The following SBF2 variants were observed in gnomAD, a reference collection of about 807,000 sequenced individuals.
The protein encoded by SBF2 is SET binding factor 2.
A neutral mutation model predicts 225.2 loss-of-function variants in SBF2; 112 were observed. The observed-to-expected ratio is 0.50, with a 90% CI of 0.43 to 0.58. The LOEUF is 0.58. Among genes scored for constraint, SBF2 ranks in the 20% least tolerant of loss-of-function variants. The pLI, the probability that SBF2 is intolerant of heterozygous loss-of-function variation, is 0.00. For synonymous variants in SBF2, 763 were observed against 773.3 expected (o/e 0.99, Z 0.22); for missense variants, 1,996 against 2,206.2 (o/e 0.90, Z 1.91).
At chr11:9,828,472 G>A (rs1270967862) in intron 28 of SBF2, 7 of 985,286 alleles carry the variant, frequency 7.1e-6, no homozygotes, top group East Asian at 1.1e-4. Flanking sequence ...AGCAAGGCAT[G>A]CATGGTGTTA....
chr11:10,005,917 C>T (rs918223033), intron 6 of SBF2, among the ~76,000 whole-genome samples: 5 of 152,128 alleles, frequency 3.3e-5, no homozygotes, highest in South Asian at 2.1e-4. Flanking sequence ...TGCTGATGTA[C>T]GGTAGCTCAC....
intron 2 of SBF2, among the ~76,000 whole-genome samples, chr11:10,118,264 T>A (rs1033663660): frequency 6.6e-6 from 1 of 152,200 alleles, no homozygotes; most frequent in Non-Finnish European, 1.5e-5. Flanking sequence ...TGTACATTTT[T>A]AAAGTAATAC....
intron 1 of SBF2, among the ~76,000 whole-genome samples, chr11:10,300,877 G>C (rs953209695): frequency 6.8e-6 from 1 of 147,738 alleles, no homozygotes; most frequent in African/African-American, 2.5e-5. Flanking sequence ...TTGAACTCCT[G>C]AGCTCAAGAG....
intron 2 of SBF2, among the ~76,000 whole-genome samples, chr11:10,055,116 G>C (rs912633182): frequency 1.3e-5 from 2 of 152,004 alleles, no homozygotes; most frequent in Non-Finnish European, 2.9e-5. Context: ...TGGCCAGGCT[G>C]GTCTGGAACT....
At chr11:9,988,533 C>G (rs1947287792) in intron 13 of SBF2, among the ~76,000 whole-genome samples, 1 of 152,128 alleles carries the variant, frequency 6.6e-6, no homozygotes, top group African/African-American at 2.4e-5. Flanking sequence ...TATCCAGAAT[C>G]TACAACAAAC....
At chr11:10,070,428 C>T (rs148329235) in intron 2 of SBF2, among the ~76,000 whole-genome samples, 1,631 of 152,236 alleles carry the variant, frequency 0.011, 33 homozygotes, top group African/African-American at 0.037. Context: ...CCTTTCCCCA[C>T]TTCTTGTTTT....
At chr11:9,794,288 C>T (rs888004470) in intron 33 of SBF2, among the ~76,000 whole-genome samples, 1 of 152,130 alleles carries the variant, frequency 6.6e-6, no homozygotes, top group Admixed American at 6.5e-5. Flanking sequence ...AGGCAAATAC[C>T]TGCGTTTTAC....
intron 1 of SBF2, among the ~76,000 whole-genome samples, chr11:10,277,004 G>T (rs1963001958): frequency 6.6e-6 from 1 of 152,138 alleles, no homozygotes; most frequent in Non-Finnish European, 1.5e-5. Context: ...GGCCAAGGCA[G>T]GAGGATTCCT....
chr11:9,937,831 A>C (rs1318757282), intron 16 of SBF2, among the ~76,000 whole-genome samples: 1 of 152,156 alleles, frequency 6.6e-6, no homozygotes, highest in Non-Finnish European at 1.5e-5. Flanking sequence ...AGCAACTGAA[A>C]ATGGAAACAG....
At chr11:9,877,976 T>A (rs1053899078) in intron 17 of SBF2, among the ~76,000 whole-genome samples, 2 of 152,210 alleles carry the variant, frequency 1.3e-5, no homozygotes, top group African/African-American at 4.8e-5. Context: ...CACCACACTG[T>A]CTTCCACAAT....
intron 17 of SBF2, among the ~76,000 whole-genome samples, chr11:9,868,475 G>A (rs940998869): frequency 2.6e-5 from 4 of 151,398 alleles, no homozygotes; most frequent in African/African-American, 7.3e-5. Context: ...CTGAGATTGC[G>A]CCACTGCACT....
intron 32 of SBF2, among the ~76,000 whole-genome samples, chr11:9,798,196 A>G (rs377405441): frequency 6.6e-6 from 1 of 152,196 alleles, no homozygotes; most frequent in African/African-American, 2.4e-5. Flanking sequence ...TATGCACAGC[A>G]AAGAAGGCCC....
chr11:10,088,125 G>A (rs1951647341), intron 2 of SBF2, among the ~76,000 whole-genome samples: 1 of 151,772 alleles, frequency 6.6e-6, no homozygotes, highest in African/African-American at 2.4e-5. Flanking sequence ...CTGGGCTTAG[G>A]TGATCCTCCC....
intron 1 of SBF2, among the ~76,000 whole-genome samples, chr11:10,270,155 T>C (rs573926473): frequency 2.0e-5 from 3 of 152,136 alleles, no homozygotes; most frequent in South Asian, 2.1e-4. Flanking sequence ...TTAATAAAAA[T>C]TGATGTTATG....
intron 2 of SBF2, among the ~76,000 whole-genome samples, chr11:10,093,100 T>C (rs1222625569): frequency 1.3e-5 from 2 of 151,876 alleles, no homozygotes; most frequent in Non-Finnish European, 2.9e-5. Context: ...CACTGCAACT[T>C]CTTCCTCCTG....
chr11:9,901,897 T>C (rs1590380641), intron 16 of SBF2, among the ~76,000 whole-genome samples: 2 of 152,180 alleles, frequency 1.3e-5, no homozygotes, highest in Admixed American at 1.3e-4. Flanking sequence ...CTCCCACATT[T>C]GGCCTCCCAA....
chr11:9,791,619 A>G (rs1199529584), intron 33 of SBF2, among the ~76,000 whole-genome samples: 1 of 152,224 alleles, frequency 6.6e-6, no homozygotes, highest in Non-Finnish European at 1.5e-5. Context: ...CCTCAGACCA[A>G]TTAAATCAGA....
intron 12 of SBF2, among the ~76,000 whole-genome samples, chr11:9,991,138 T>C (rs925705991): frequency 6.6e-6 from 1 of 152,222 alleles, no homozygotes; most frequent in Non-Finnish European, 1.5e-5. Flanking sequence ...ATGAATTACT[T>C]AGTACAGAAT....
At chr11:10,275,113 C>G (rs1962855337) in intron 1 of SBF2, among the ~76,000 whole-genome samples, 2 of 151,826 alleles carry the variant, frequency 1.3e-5, no homozygotes, top group African/African-American at 4.8e-5. Flanking sequence ...AGTCCAGAAA[C>G]TAAGTCCATA....
Sources: allele counts gnomAD v4.1 joint callset (sites outside exome capture counted in the v4.1 genomes callset), GRCh38; gene constraint gnomAD v4.1.1; transcripts MANE v1.5; gene names NCBI Gene and HGNC (gene_info 2026-07-23, HGNC 2026-07-21).